Variants in MAN2A1 observed in about 807,000 individuals in gnomAD.
MAN2A1 encodes the protein alpha-mannosidase 2.
In MAN2A1, 76 loss-of-function variants were observed where a neutral mutation model predicts 142.6. The observed-to-expected ratio is 0.53, with a 90% CI of 0.44 to 0.65. The LOEUF (loss-of-function observed/expected upper bound fraction) is 0.65, where lower values mean the gene tolerates loss of function less well. MAN2A1 is among the 30% of genes least tolerant of loss of function. The probability of loss-of-function intolerance (pLI) is 0.00; values close to 1 mark genes in which losing one functional copy is unlikely to be tolerated. For missense variants in MAN2A1, 1,311 were observed against 1,365.1 expected, an observed-to-expected ratio of 0.96 and a Z score of 0.62; for synonymous variants, 559 against 473.2, an observed-to-expected ratio of 1.18 and a Z score of -2.35.
chr5:109,800,061 C>T (rs1210035665), intron 12 of MAN2A1, among the ~76,000 whole-genome samples: 1 of 144,964 alleles, frequency 6.9e-6, no homozygotes, highest in Non-Finnish European at 1.5e-5. Flanking sequence ...GCACTCCAGC[C>T]AGGGCAACAG....
intron 12 of MAN2A1, among the ~76,000 whole-genome samples, chr5:109,801,703 T>C (rs992610941): frequency 1.3e-5 from 2 of 152,158 alleles, no homozygotes; most frequent in Non-Finnish European, 2.9e-5. Flanking sequence ...AGGTCTATAC[T>C]GAATAAATCA....
At chr5:109,839,131 C>T (rs1755131700) in intron 16 of MAN2A1, among the ~76,000 whole-genome samples, 1 of 152,180 alleles carries the variant, frequency 6.6e-6, no homozygotes, top group Admixed American at 6.5e-5. Context: ...TACTTCTTGT[C>T]ATCAGCTAAG....
At chr5:109,813,550 GA>G (rs1754374663) in intron 12 of MAN2A1, among the ~76,000 whole-genome samples, 1 of 152,196 alleles carries the variant, frequency 6.6e-6, no homozygotes, top group African/African-American at 2.4e-5. Flanking sequence ...CAGGTCTGAG[GA>G]CCAGCCCAGG....
At chr5:109,866,779 A>G in intron 21 of MAN2A1, 67 bp from the exon 22 acceptor site, 7 of 1,035,494 alleles carry the variant, frequency 6.8e-6, no homozygotes, top group Non-Finnish European at 8.7e-6. Flanking sequence ...TTTTCACAGA[A>G]TATGTAGTTG....
intron 1 of MAN2A1, among the ~76,000 whole-genome samples, chr5:109,711,402 C>G (rs777342849): frequency 6.6e-5 from 10 of 151,648 alleles, no homozygotes; most frequent in Non-Finnish European, 1.0e-4. Flanking sequence ...TTTCAGACAG[C>G]CTTTGATAGC....
intron 12 of MAN2A1, among the ~76,000 whole-genome samples, chr5:109,809,076 T>A (rs906709245): frequency 6.6e-6 from 1 of 152,156 alleles, no homozygotes; most frequent in Non-Finnish European, 1.5e-5. Flanking sequence ...TAGTTTTTTC[T>A]GATTATAAAA....
rs202217456 is a variant in MAN2A1, at chr5:109,718,977, T to TAA, written c.535+2725_535+2726dup. 4.3e-3 allele frequency among the ~76,000 whole-genome samples: 338 copies of TAA among 78,494 alleles called. 2 individuals are homozygous for TAA. Among genetic ancestry groups the TAA allele is most frequent in the African/African-American group, 0.016 (314 of 19,862 alleles). 51.5% of individuals were successfully genotyped at this position (78,494 alleles called of 152,430 possible). On this transcript the variant is annotated intron_variant, in intron 3 of 21. Transcript: ENST00000261483. ...CCTGATGGCTACTTATTTCTATTCT[T>TAA]AAAAAAAAAAAAACTTATTTAAAGT...
chr5:109,737,226 G>A (rs1042355397), intron 4 of MAN2A1, among the ~76,000 whole-genome samples: 2 of 151,184 alleles, frequency 1.3e-5, no homozygotes, highest in African/African-American at 2.4e-5. Flanking sequence ...CTGAGTAGCT[G>A]GGATTAAGGC....
chr5:109,733,719 A>G (rs1225544045), intron 4 of MAN2A1, among the ~76,000 whole-genome samples: 1 of 152,090 alleles, frequency 6.6e-6, no homozygotes, highest in African/African-American at 2.4e-5. Flanking sequence ...AGCCCACTTG[A>G]TCATGGTGGA....
At chr5:109,842,543 G>C (rs948598310) in intron 17 of MAN2A1, 82 bp downstream of exon 17, 7 of 877,184 alleles carry the variant, frequency 8.0e-6, no homozygotes, top group Non-Finnish European at 1.1e-5. Context: ...GTTAATTTTG[G>C]ATCCTTTGAA....
chr5:109,712,377 T>A (rs182760813), intron 1 of MAN2A1, among the ~76,000 whole-genome samples: 31 of 152,208 alleles, frequency 2.0e-4, no homozygotes, highest in Non-Finnish European at 3.7e-4. Flanking sequence ...CTTTATCTTC[T>A]GAAAATACCT....
rs376301482 is a variant in MAN2A1 at position 109,704,106 on chromosome 5, A to G, written c.136-9414A>G. Among the ~76,000 whole-genome samples, 6 of 152,308 alleles carry G rather than the reference A, an allele frequency of 3.9e-5. No homozygotes were observed. The East Asian group carries it at 7.7e-4, about 20-fold the overall frequency. ...TTGGATCCTGTGTAGTGATTCTGGC[A>G]GCTACTAAGTTGGTGGCCCAGCTGC... On this transcript the variant is annotated intron_variant, in intron 1 of 21. Transcript: ENST00000261483.
chr5:109,840,593 A>G (rs1755176025), intron 16 of MAN2A1: 7 of 496,704 alleles, frequency 1.4e-5, no homozygotes, highest in South Asian at 1.0e-4. Flanking sequence ...CAACAGGGCC[A>G]TCTTCTGCCT....
At chr5:109,735,885 T>G (rs933553922) in intron 4 of MAN2A1, among the ~76,000 whole-genome samples, 3 of 148,318 alleles carry the variant, frequency 2.0e-5, no homozygotes, top group Non-Finnish European at 4.5e-5. Flanking sequence ...GGAGTTTTTT[T>G]TTTTTTTTTT....
At chr5:109,846,100 A>C in intron 18 of MAN2A1, 94 bp downstream of exon 18, 3 of 1,109,670 alleles carry the variant, frequency 2.7e-6, no homozygotes, top group Non-Finnish European at 3.6e-6. Flanking sequence ...TCTCTAGTTA[A>C]AACCTCCCTG....
chr5:109,840,730 T>C, intron 16 of MAN2A1: 1 of 367,538 alleles, frequency 2.7e-6, no homozygotes, highest in South Asian at 2.3e-5. Flanking sequence ...CCAAGGGGGA[T>C]GGAAGGGAAA....
intron 20 of MAN2A1, among the ~76,000 whole-genome samples, chr5:109,861,796 G>A (rs909833553): frequency 2.0e-5 from 3 of 152,076 alleles, no homozygotes; most frequent in Non-Finnish European, 4.4e-5. Flanking sequence ...GAAAATGTGA[G>A]GGAATACACT....
intron 4 of MAN2A1, among the ~76,000 whole-genome samples, chr5:109,735,521 T>C (rs1240350544): frequency 6.6e-6 from 1 of 152,204 alleles, no homozygotes; most frequent in Non-Finnish European, 1.5e-5. Flanking sequence ...CGGTTGTTCC[T>C]TTCCATGTTT....
chr5:109,724,687 TAAAAA>T (rs962013611), intron 3 of MAN2A1, among the ~76,000 whole-genome samples: 3 of 152,052 alleles, frequency 2.0e-5, no homozygotes, highest in African/African-American at 7.2e-5. Context: ...TTAATAAAAA[TAAAAA>T]GAAAAGAAAA....
Sources: allele counts gnomAD v4.1 joint callset (sites outside exome capture counted in the v4.1 genomes callset), GRCh38; gene constraint gnomAD v4.1.1; transcripts MANE v1.5; gene names NCBI Gene and HGNC (gene_info 2026-07-23, HGNC 2026-07-21).